The following CLMN variants were observed in gnomAD, a reference collection of about 807,000 sequenced individuals.
The protein encoded by CLMN is calmin (calponin-like, transmembrane).
Under a neutral mutation model 92.7 loss-of-function variants are expected in CLMN, and 57 were observed. The observed-to-expected ratio is 0.61, with a 90% CI of 0.50 to 0.77. The LOEUF (loss-of-function observed/expected upper bound fraction) is 0.77, where lower values mean the gene tolerates loss of function less well. Among genes scored for constraint, CLMN ranks in the 30% least tolerant of loss-of-function variants. CLMN has a pLI of 0.00. For synonymous variants in CLMN, 466 were observed against 470.6 expected, an observed-to-expected ratio of 0.99 and a Z score of 0.13; for missense variants, 1,158 against 1,237.5, an observed-to-expected ratio of 0.94 and a Z score of 0.96.
intron 1 of CLMN, among the ~76,000 whole-genome samples, chr14:95,235,470 G>C (rs1256041658): frequency 6.6e-6 from 1 of 152,230 alleles, no homozygotes. Flanking sequence ...AGACCAGGCA[G>C]TCTAGAGCCA....
chr14:95,287,859 GC>G (rs1428262785), intron 1 of CLMN, among the ~76,000 whole-genome samples: 1 of 152,162 alleles, frequency 6.6e-6, no homozygotes, highest in African/African-American at 2.4e-5. Flanking sequence ...CCAGCTATCT[GC>G]ATTTCCCTCC....
chr14:95,252,500 C>T (rs564094741), intron 1 of CLMN, among the ~76,000 whole-genome samples: 2 of 152,314 alleles, frequency 1.3e-5, no homozygotes, highest in South Asian at 4.1e-4. Flanking sequence ...TTACGAGTAG[C>T]TGAGAGACAT....
Position 95,203,053 on chromosome 14 carries a change from C to A in CLMN, c.2296G>T (p.Asp766Tyr), listed in dbSNP as rs569026666. 6.2e-7 allele frequency: 1 copy of A among 1,614,138 alleles called. No homozygotes were observed. The highest frequency in any genetic ancestry group is 8.5e-7 in the Non-Finnish European group (1 of 1,180,012). Reference protein sequence around the residue: ...DLEEPEGYMPDLDSREEEADG... With the variant: ...DLEEPEGYMPYLDSREEEADG... ...GCCTCCTCCTCCCTGGAGTCCAGGTCTGGCATATAGCCCTCTGGCTCTTCG... is the reference window on the plus strand; with the variant it reads ...GCCTCCTCCTCCCTGGAGTCCAGGTATGGCATATAGCCCTCTGGCTCTTCG... The change falls in exon 9 of 13, where the codon GAC becomes TAC. Residue 766 changes from aspartate (D) to tyrosine (Y), a missense_variant. Asp to Tyr is a radical substitution (Grantham distance 160). Transcript: ENST00000298912.
At chr14:95,196,780 G>T in intron 9 of CLMN, 86 bp from the exon 10 acceptor site, 1 of 1,321,250 alleles carries the variant, frequency 7.6e-7, no homozygotes, top group Non-Finnish European at 1.0e-6. Context: ...CTCTGCCCAG[G>T]CCCAGCCAGG....
chr14:95,311,475 G>T (rs1901536693), intron 1 of CLMN, among the ~76,000 whole-genome samples: 1 of 152,046 alleles, frequency 6.6e-6, no homozygotes, highest in Non-Finnish European at 1.5e-5. Flanking sequence ...ACACCAAAAT[G>T]ACCCCAGGAC....
chr14:95,233,268 A>C (rs1897945120), intron 1 of CLMN, among the ~76,000 whole-genome samples: 1 of 152,122 alleles, frequency 6.6e-6, no homozygotes, highest in East Asian at 1.9e-4. Context: ...GGTGTAAATG[A>C]GGAGGTGGGT....
chr14:95,303,742 G>A (rs1024011357), intron 1 of CLMN, among the ~76,000 whole-genome samples: 3 of 152,196 alleles, frequency 2.0e-5, no homozygotes, highest in African/African-American at 7.2e-5. Context: ...GATGATGGCA[G>A]CACCCATTTA....
chr14:95,245,269 ATTAT>A, intron 1 of CLMN, among the ~76,000 whole-genome samples: 1 of 60,838 alleles, frequency 1.6e-5, no homozygotes, highest in African/African-American at 8.5e-5. Context: ...ATATATATAT[ATTAT>A]ATATATATAG....
chr14:95,255,272 T>G (rs1482394457), intron 1 of CLMN, among the ~76,000 whole-genome samples: 1 of 152,192 alleles, frequency 6.6e-6, no homozygotes, highest in Non-Finnish European at 1.5e-5. Flanking sequence ...GGTACAGTAG[T>G]TCCCCCCATC....
At chr14:95,230,013 A>T in intron 2 of CLMN, 59 bp downstream of exon 2, 1 of 1,512,180 alleles carries the variant, frequency 6.6e-7, no homozygotes, top group Non-Finnish European at 9.2e-7. Flanking sequence ...ACTCTCTGGA[A>T]CTGTAAATTC....
intron 1 of CLMN, among the ~76,000 whole-genome samples, chr14:95,297,811 GCACACACACACACACACACACACACA>G (rs3219870): frequency 9.0e-5 from 13 of 145,022 alleles, no homozygotes; most frequent in African/African-American, 3.4e-4. Flanking sequence ...AATATGGCAG[GCACACACACACACACACACACACACA>G]CACACACACA....
At chr14:95,250,814 T>C (rs377158755) in intron 1 of CLMN, among the ~76,000 whole-genome samples, 3 of 152,170 alleles carry the variant, frequency 2.0e-5, no homozygotes, top group Non-Finnish European at 2.9e-5. Flanking sequence ...CAAGGGCTCA[T>C]GAATACTGTA....
At chr14:95,226,194 A>C (rs1897705222) in intron 2 of CLMN, among the ~76,000 whole-genome samples, 1 of 152,182 alleles carries the variant, frequency 6.6e-6, no homozygotes, top group Non-Finnish European at 1.5e-5. Flanking sequence ...CAAGTCCCTG[A>C]TATATAATGG....
At chr14:95,204,922 G>A (rs937610059) in intron 8 of CLMN, among the ~76,000 whole-genome samples, 6 of 152,252 alleles carry the variant, frequency 3.9e-5, no homozygotes, top group East Asian at 1.9e-4. Context: ...GCTGGTATGA[G>A]AGAGTGAATC....
At chr14:95,297,618 G>A (rs1048483166) in intron 1 of CLMN, among the ~76,000 whole-genome samples, 2 of 152,174 alleles carry the variant, frequency 1.3e-5, no homozygotes. Context: ...AGTCTGTAGA[G>A]CATTTAGAAT....
chr14:95,248,676 T>C (rs1898666622), intron 1 of CLMN, among the ~76,000 whole-genome samples: 1 of 152,158 alleles, frequency 6.6e-6, no homozygotes, highest in Non-Finnish European at 1.5e-5. Context: ...ATGCGTGCTT[T>C]TGGTGGTTAT....
At chr14:95,318,222 TC>T (rs1005264372) in intron 1 of CLMN, among the ~76,000 whole-genome samples, 2 of 152,120 alleles carry the variant, frequency 1.3e-5, no homozygotes, top group African/African-American at 4.8e-5. Context: ...ACCCTCACAG[TC>T]CAGCAGAAGA....
intron 2 of CLMN, among the ~76,000 whole-genome samples, chr14:95,227,248 T>A (rs1055307391): frequency 2.6e-5 from 4 of 152,152 alleles, no homozygotes; most frequent in African/African-American, 4.8e-5. Flanking sequence ...GGCATTTCCT[T>A]ACCCTTTATA....
chr14:95,280,212 C>A (rs1900094452), intron 1 of CLMN, among the ~76,000 whole-genome samples: 1 of 152,070 alleles, frequency 6.6e-6, no homozygotes, highest in African/African-American at 2.4e-5. Flanking sequence ...CAAAAAAATT[C>A]TAAAGGGTTA....
Sources: allele counts gnomAD v4.1 joint callset (sites outside exome capture counted in the v4.1 genomes callset), GRCh38; gene constraint gnomAD v4.1.1; transcripts MANE v1.5; gene names NCBI Gene and HGNC (gene_info 2026-07-23, HGNC 2026-07-21).